Variants in NCKAP5 observed in about 807,000 individuals in gnomAD.
The protein encoded by NCKAP5 is nck-associated protein 5.
Under a neutral mutation model 167.0 loss-of-function variants are expected in NCKAP5, and 92 were observed. The observed-to-expected ratio is 0.55, with a 90% CI of 0.47 to 0.66. The LOEUF is 0.66. Among genes scored for constraint, NCKAP5 ranks in the 30% least tolerant of loss-of-function variants. The probability of loss-of-function intolerance (pLI) is 0.00; values close to 1 mark genes in which losing one functional copy is unlikely to be tolerated. For synonymous variants in NCKAP5, 891 were observed against 877.4 expected (o/e 1.02, Z -0.27); for missense variants, 2,378 against 2,315.0 (o/e 1.03, Z -0.56).
intron 8 of NCKAP5, among the ~76,000 whole-genome samples, chr2:132,889,491 G>A (rs1345779653): frequency 6.6e-6 from 1 of 151,876 alleles, no homozygotes; most frequent in African/African-American, 2.4e-5. Flanking sequence ...TAGTCTAATA[G>A]AAGAAACAAG....
intron 6 of NCKAP5, among the ~76,000 whole-genome samples, chr2:133,059,366 A>C (rs987638239): frequency 3.3e-5 from 5 of 151,906 alleles, no homozygotes; most frequent in African/African-American, 1.2e-4. Context: ...TTTAGCAATA[A>C]AATATTTTGA....
At chr2:133,013,856 AT>A (rs1334990995) in intron 6 of NCKAP5, among the ~76,000 whole-genome samples, 1 of 152,136 alleles carries the variant, frequency 6.6e-6, no homozygotes, top group East Asian at 1.9e-4. Flanking sequence ...CTGACTGACA[AT>A]GATACCACCC....
chr2:133,247,243 C>T (rs2088046290), intron 4 of NCKAP5, among the ~76,000 whole-genome samples: 1 of 152,118 alleles, frequency 6.6e-6, no homozygotes, highest in South Asian at 2.1e-4. Context: ...CATGTTTCTT[C>T]CTGATTTTCA....
At chr2:133,257,164 C>G (rs745633007) in intron 4 of NCKAP5, among the ~76,000 whole-genome samples, 1 of 152,092 alleles carries the variant, frequency 6.6e-6, no homozygotes, top group Non-Finnish European at 1.5e-5. Context: ...TATTAAGATA[C>G]CAGTGGTCAG....
chr2:133,362,096 C>T (rs1199186954), intron 3 of NCKAP5, among the ~76,000 whole-genome samples: 2 of 151,976 alleles, frequency 1.3e-5, no homozygotes, highest in Non-Finnish European at 2.9e-5. Context: ...TAGGTTAAGG[C>T]TGTGTTTCGA....
chr2:132,927,710 A>G (rs1696018011), intron 8 of NCKAP5, among the ~76,000 whole-genome samples: 1 of 151,950 alleles, frequency 6.6e-6, no homozygotes, highest in African/African-American at 2.4e-5. Flanking sequence ...TGATTTTTGT[A>G]TTTTGATTTT....
chr2:133,384,744 T>C (rs1316459318), intron 3 of NCKAP5, among the ~76,000 whole-genome samples: 1 of 152,196 alleles, frequency 6.6e-6, no homozygotes, highest in East Asian at 1.9e-4. Flanking sequence ...AGCAATGGTT[T>C]CTCCTTGAAG....
intron 5 of NCKAP5, among the ~76,000 whole-genome samples, chr2:133,154,121 C>T (rs528466550): frequency 3.4e-4 from 52 of 152,254 alleles, no homozygotes; most frequent in African/African-American, 1.1e-3. Flanking sequence ...GGATTACAGG[C>T]GTGAGCCACC....
chr2:133,256,793 A>T (rs1260432591), intron 4 of NCKAP5, among the ~76,000 whole-genome samples: 4 of 152,194 alleles, frequency 2.6e-5, no homozygotes, highest in African/African-American at 9.7e-5. Flanking sequence ...GCCATTTATT[A>T]ACATAAATGT....
intron 4 of NCKAP5, chr2:133,284,772 A>C (rs1364470114): frequency 6.6e-6 from 1 of 152,240 alleles, no homozygotes; most frequent in Non-Finnish European, 1.5e-5. Context: ...AGTTTTCATA[A>C]GGATTTATCC....
At chr2:132,920,103 T>G (rs1433572762) in intron 8 of NCKAP5, among the ~76,000 whole-genome samples, 1 of 151,938 alleles carries the variant, frequency 6.6e-6, no homozygotes, top group Non-Finnish European at 1.5e-5. Flanking sequence ...ACCCACCGTA[T>G]TCCCCTCTCC....
At position 133,238,404 on chromosome 2, in the gene NCKAP5, C is replaced by T. The variant is rs76387734; in HGVS notation, c.144-24625G>A. ...AGTATCACTGCCAGGGCCACAGGAC[C>T]GCAGAGCCTATAGCATTCTCTCTAT... On this transcript the variant is annotated intron_variant, in intron 4 of 19. Coordinates refer to ENST00000409261, the MANE Select transcript of NCKAP5 (RefSeq NM_207363.3). Among the ~76,000 whole-genome samples, 617 of 152,218 alleles carry T rather than the reference C, an allele frequency of 4.1e-3. 4 individuals are homozygous for T. The highest frequency in any genetic ancestry group is 0.014 in the African/African-American group (581 of 41,552).
At chr2:133,514,810 A>G (rs1272816779) in intron 3 of NCKAP5, among the ~76,000 whole-genome samples, 4 of 152,132 alleles carry the variant, frequency 2.6e-5, no homozygotes, top group African/African-American at 7.2e-5. Context: ...AGGTTGTTCT[A>G]CTTTTGGTGT....
intron 11 of NCKAP5, among the ~76,000 whole-genome samples, chr2:132,797,838 C>T (rs1051323461): frequency 7.2e-5 from 11 of 152,282 alleles, no homozygotes; most frequent in African/African-American, 2.4e-4. Context: ...TCTCTGTGTT[C>T]CCCATTCAAC....
Position 133,327,868 on chromosome 2 carries a change from C to T in NCKAP5, c.70-24758G>A, listed in dbSNP as rs565595488. Among the ~76,000 whole-genome samples the T allele has an allele frequency of 2.3e-4, 35 of 152,242 alleles. No individual in the cohort carries two copies. The East Asian group carries it at 5.8e-3, about 25-fold the overall frequency. On this transcript the variant is annotated intron_variant, in intron 3 of 19. Transcript: ENST00000409261. ...GGATGACTTCATATCCCAGGAGACACTGTTGTCTGTCATACCTGGGAGAGA... is the reference window on the plus strand; with the variant it reads ...GGATGACTTCATATCCCAGGAGACATTGTTGTCTGTCATACCTGGGAGAGA...
chr2:133,614,021 C>T, the NCKAP5 span, among the ~76,000 whole-genome samples: 7 of 152,112 alleles, frequency 4.6e-5, no homozygotes, highest in East Asian at 1.9e-4. Flanking sequence ...AGCCCCTGCT[C>T]GGATGGACAG....
intron 4 of NCKAP5, among the ~76,000 whole-genome samples, chr2:133,291,772 G>A (rs1255536878): frequency 1.3e-5 from 2 of 152,192 alleles, no homozygotes; most frequent in Admixed American, 6.5e-5. Flanking sequence ...GCGTTCCCAC[G>A]CATGTTCTCC....
intron 3 of NCKAP5, among the ~76,000 whole-genome samples, chr2:133,465,203 C>A (rs1045236009): frequency 7.2e-6 from 1 of 139,454 alleles, no homozygotes; most frequent in Non-Finnish European, 1.5e-5. Context: ...ATTCCCCTTC[C>A]TGTGTCCATG....
At position 132,831,602 on chromosome 2, in the gene NCKAP5, G is replaced by A. The variant is rs11682158; in HGVS notation, c.807+28890C>T. ...TTGGTTTGTTTGTCCTTATTGACTG[G>A]TAGGGGCTCTTTATATATTAATAGT... On this transcript the variant is annotated intron_variant, in intron 11 of 19. Transcript: ENST00000409261. 9.2e-3 allele frequency among the ~76,000 whole-genome samples: 1,401 copies of A among 152,064 alleles called. 12 individuals are homozygous for A. Among genetic ancestry groups the A allele is most frequent in the Non-Finnish European group, 0.015 (1,019 of 67,952 alleles).
Sources: gnomAD v4.1 joint callset for allele counts (sites outside exome capture counted in the v4.1 genomes callset) on GRCh38, gnomAD v4.1.1 for gene constraint, MANE v1.5 for transcripts, NCBI Gene and HGNC (gene_info 2026-07-23, HGNC 2026-07-21) for gene names.